Variants in NCAM2 observed in about 807,000 individuals in gnomAD.
NCAM2 encodes neural cell adhesion molecule 2.
A neutral mutation model predicts 98.1 loss-of-function variants in NCAM2; 30 were observed. That is an observed-to-expected ratio of 0.31 (90% CI 0.23 to 0.41). The LOEUF (loss-of-function observed/expected upper bound fraction) is 0.41. Ranked by LOEUF, NCAM2 falls within the 10% of genes least tolerant of loss-of-function variation. The pLI, the probability that NCAM2 is intolerant of heterozygous loss-of-function variation, is 1.00. For missense variants in NCAM2, 867 were observed against 1,005.8 expected, an observed-to-expected ratio of 0.86 and a Z score of 1.87; for synonymous variants, 368 against 342.4, an observed-to-expected ratio of 1.07 and a Z score of -0.83.
At chr21:21,456,130 T>C (rs1221435268) in intron 12 of NCAM2, among the ~76,000 whole-genome samples, 2 of 152,096 alleles carry the variant, frequency 1.3e-5, no homozygotes, top group Admixed American at 1.3e-4. Flanking sequence ...AGAATACAAA[T>C]GATATAGCAA....
chr21:21,125,412 T>TTTACATATATATGTAAAATATAATATA (rs71193402), intron 1 of NCAM2, among the ~76,000 whole-genome samples: 5 of 84,912 alleles, frequency 5.9e-5, no homozygotes, highest in Non-Finnish European at 1.1e-4. Flanking sequence ...TATATAATAT[T>TTTACATATATATGTAAAATATAATATA]TTACATATAT....
rs1483775695 is a variant in NCAM2 at position 21,082,557 on chromosome 21, C to A, written c.55+83939C>A. 3.3e-5 allele frequency among the ~76,000 whole-genome samples: 5 copies of A among 152,132 alleles called. No individual in the cohort carries two copies. The South Asian group carries it at 1.0e-3, about 32-fold the overall frequency. On this transcript the variant is annotated intron_variant, in intron 1 of 17. Transcript: ENST00000400546. ...GTAAAAGTTACACTGATTATTACTA[C>A]CACCTATGCTATTTTTACCACTGCT...
chr21:21,208,642 A>G (rs1210373272), intron 1 of NCAM2, among the ~76,000 whole-genome samples: 4 of 152,148 alleles, frequency 2.6e-5, no homozygotes, highest in Non-Finnish European at 5.9e-5. Flanking sequence ...TGAAAACTTG[A>G]AATGTGGAAC....
intron 1 of NCAM2, among the ~76,000 whole-genome samples, chr21:20,999,700 A>T (rs1340928661): frequency 6.6e-6 from 1 of 152,222 alleles, no homozygotes; most frequent in Admixed American, 6.5e-5. Context: ...ACAAGTTAAA[A>T]TATCCCCAAG....
intron 1 of NCAM2, among the ~76,000 whole-genome samples, chr21:21,162,495 A>T (rs2067815619): frequency 6.6e-6 from 1 of 152,154 alleles, no homozygotes. Context: ...ACTAGCATAA[A>T]ATATATATCA....
intron 1 of NCAM2, among the ~76,000 whole-genome samples, chr21:21,256,892 C>G (rs1000077662): frequency 1.3e-5 from 2 of 152,132 alleles, no homozygotes; most frequent in Non-Finnish European, 2.9e-5. Flanking sequence ...ATGGAGTGTA[C>G]TCAGTAACTC....
intron 1 of NCAM2, among the ~76,000 whole-genome samples, chr21:21,040,030 A>G (rs1228666260): frequency 6.6e-6 from 1 of 152,074 alleles, no homozygotes; most frequent in Admixed American, 6.5e-5. Flanking sequence ...GTTAAGGGCA[A>G]CCTTCGCTAG....
chr21:21,050,520 A>G (rs937879120), intron 1 of NCAM2, among the ~76,000 whole-genome samples: 1 of 152,166 alleles, frequency 6.6e-6, no homozygotes, highest in African/African-American at 2.4e-5. Flanking sequence ...CAGTGATGCC[A>G]ACCCTACTTA....
rs553667412 is a variant in NCAM2 at position 21,241,675 on chromosome 21, C to A, written c.56-38903C>A. 1.3e-3 allele frequency among the ~76,000 whole-genome samples: 200 copies of A among 151,756 alleles called. 3 individuals are homozygous for A. The highest frequency in any genetic ancestry group is 4.6e-3 in the African/African-American group (191 of 41,400). ...CTGCCAGGTTGTAAAGGGCTTATTC[C>A]AGGTAAATTAAATAACAGAAACCAA... On this transcript the variant is annotated intron_variant, in intron 1 of 17. Coordinates refer to ENST00000400546, the MANE Select transcript of NCAM2 (RefSeq NM_004540.5).
intron 8 of NCAM2, among the ~76,000 whole-genome samples, chr21:21,363,970 C>T (rs2075719998): frequency 6.6e-6 from 1 of 151,994 alleles, no homozygotes; most frequent in Non-Finnish European, 1.5e-5. Context: ...TCACAAAAAG[C>T]TTGATTTGTA....
intron 1 of NCAM2, among the ~76,000 whole-genome samples, chr21:21,080,677 AAAAC>A (rs1352962220): frequency 0.11 from 14,111 of 132,836 alleles, 809 homozygotes; most frequent in Non-Finnish European, 0.13. Flanking sequence ...AAAAAAAAAA[AAAAC>A]CAACATTGAT....
intron 12 of NCAM2, among the ~76,000 whole-genome samples, chr21:21,457,693 G>C (rs1841787592): frequency 6.6e-6 from 1 of 151,844 alleles, no homozygotes; most frequent in Non-Finnish European, 1.5e-5. Flanking sequence ...TAGTATGCTA[G>C]TGTTTTTGGT....
chr21:21,482,030 GGA>G (rs1226756692), intron 15 of NCAM2, among the ~76,000 whole-genome samples: 1 of 152,002 alleles, frequency 6.6e-6, no homozygotes, highest in Non-Finnish European at 1.5e-5. Context: ...CCCGGGAGTT[GGA>G]GGTTGCAATG....
intron 1 of NCAM2, among the ~76,000 whole-genome samples, chr21:21,214,746 T>TATATATATATATACATAC (rs11268201): frequency 2.0e-5 from 2 of 100,608 alleles, no homozygotes; most frequent in Non-Finnish European, 4.2e-5. Context: ...TATATATATA[T>TATATATATATATACATAC]ACACTATATA....
At chr21:21,447,903 A>G (rs1273117764) in intron 12 of NCAM2, among the ~76,000 whole-genome samples, 2 of 152,060 alleles carry the variant, frequency 1.3e-5, no homozygotes, top group African/African-American at 2.4e-5. Context: ...AATAGATGCC[A>G]GAGAGGTTGT....
At chr21:21,411,578 A>G (rs1372305512) in intron 10 of NCAM2, among the ~76,000 whole-genome samples, 1 of 152,164 alleles carries the variant, frequency 6.6e-6, no homozygotes, top group African/African-American at 2.4e-5. Context: ...AACATAAAAA[A>G]ATCTATGAAA....
intron 9 of NCAM2, among the ~76,000 whole-genome samples, chr21:21,397,012 G>T (rs1257513279): frequency 6.6e-6 from 1 of 152,202 alleles, no homozygotes; most frequent in Non-Finnish European, 1.5e-5. Context: ...AATGAGGTAT[G>T]CAGACAAGTG....
chr21:21,040,100 T>A (rs1363581358), intron 1 of NCAM2, among the ~76,000 whole-genome samples: 1 of 152,176 alleles, frequency 6.6e-6, no homozygotes, highest in East Asian at 1.9e-4. Flanking sequence ...CAACGTTATT[T>A]ACTCCTCTTA....
At chr21:21,316,756 C>G (rs542071735) in intron 5 of NCAM2, among the ~76,000 whole-genome samples, 1 of 152,108 alleles carries the variant, frequency 6.6e-6, no homozygotes, top group African/African-American at 2.4e-5. Context: ...CTTGGCCAGG[C>G]TGGTCTCAAA....
Sources: gnomAD v4.1 joint callset for allele counts (sites outside exome capture counted in the v4.1 genomes callset) on GRCh38, gnomAD v4.1.1 for gene constraint, MANE v1.5 for transcripts, NCBI Gene and HGNC (gene_info 2026-07-23, HGNC 2026-07-21) for gene names.